ZBTB46: variants seen among roughly 807,000 people sequenced by gnomAD.
ZBTB46 encodes zinc finger and BTB domain containing 46.
In ZBTB46, 8 loss-of-function variants were observed where a neutral mutation model predicts 44.1. The observed-to-expected ratio is 0.18, with a 90% CI of 0.11 to 0.33. The LOEUF is 0.33. Ranked by LOEUF, ZBTB46 falls within the 10% of genes least tolerant of loss-of-function variation. The pLI is 1.00. For missense variants in ZBTB46, 651 were observed against 847.7 expected (o/e 0.77, Z 2.88); for synonymous variants, 409 against 382.3 (o/e 1.07, Z -0.81).
intron 1 of ZBTB46, among the ~76,000 whole-genome samples, chr20:63,830,002 A>G (rs932440299): frequency 6.6e-6 from 1 of 152,176 alleles, no homozygotes; most frequent in Non-Finnish European, 1.5e-5. Flanking sequence ...GCTGATCACA[A>G]TCTTGCCACC....
Position 63,767,073 on chromosome 20 carries a change from G to A in ZBTB46, c.1222+8605C>T, listed in dbSNP as rs1052910285. On this transcript the variant is annotated intron_variant, in intron 3 of 4. Coordinates refer to ENST00000245663, the MANE Select transcript of ZBTB46 (RefSeq NM_001369741.1). This position sits in a 1 kb window ranked among gnomAD's most constrained non-coding sequence, Gnocchi z 5.0. Reference sequence around the variant, plus strand: ...AACCTAACACGTCCGACGAGGACGGGCAAGGGCACCGCGGGGCGCTCTTTC... The same window carrying A: ...AACCTAACACGTCCGACGAGGACGGACAAGGGCACCGCGGGGCGCTCTTTC... Among the ~76,000 whole-genome samples the A allele has an allele frequency of 6.6e-6, 1 of 152,234 alleles. No individual in the cohort carries two copies. The highest frequency in any genetic ancestry group is 2.4e-5 in the African/African-American group (1 of 41,466).
intron 3 of ZBTB46, among the ~76,000 whole-genome samples, chr20:63,770,601 C>G (rs1362637570): frequency 1.3e-5 from 2 of 152,218 alleles, no homozygotes; most frequent in Non-Finnish European, 2.9e-5. Context: ...GTCGGCTGCT[C>G]TGTGCTGCTG....
At chr20:63,824,314 G>A (rs766675545) in intron 1 of ZBTB46, among the ~76,000 whole-genome samples, 5 of 152,022 alleles carry the variant, frequency 3.3e-5, no homozygotes, top group South Asian at 2.1e-4. Context: ...TACTTCTTTC[G>A]AAAATACCTA....
In ZBTB46 at chr20:63,803,180, T is replaced by C. The variant is rs1303098854; in HGVS notation, c.-33-12390A>G. ...AGGATGCCATCCAGGCAGGGACCAG[T>C]GTGGGCACCATCCCCCAGGGCGCCT... On this transcript the variant is annotated intron_variant, in intron 1 of 4. Coordinates refer to ENST00000245663, the MANE Select transcript of ZBTB46 (RefSeq NM_001369741.1). This position sits in a 1 kb window ranked among gnomAD's most constrained non-coding sequence, Gnocchi z 4.0. Among the ~76,000 whole-genome samples the C allele has an allele frequency of 6.6e-6, 1 of 151,696 alleles. No homozygotes were observed. Among genetic ancestry groups the C allele is most frequent in the Non-Finnish European group, 1.5e-5 (1 of 67,888 alleles).
chr20:63,751,055 C>T (rs181758908), intron 4 of ZBTB46, among the ~76,000 whole-genome samples: 3 of 152,342 alleles, frequency 2.0e-5, no homozygotes, highest in Admixed American at 2.0e-4. Flanking sequence ...AACGTGTTAG[C>T]ACCTATCAGT....
intron 2 of ZBTB46, among the ~76,000 whole-genome samples, chr20:63,779,624 G>A (rs1322407278): frequency 7.2e-5 from 11 of 151,884 alleles, no homozygotes; most frequent in Non-Finnish European, 1.5e-5. Context: ...GTTTCACCGT[G>A]TTAGCCAAGA....
At chr20:63,812,634 C>G (rs2092724024) in intron 1 of ZBTB46, among the ~76,000 whole-genome samples, 1 of 152,114 alleles carries the variant, frequency 6.6e-6, no homozygotes, top group African/African-American at 2.4e-5. Context: ...AAAAAATTAG[C>G]TGGGTGTGGT....
At chr20:63,783,195 T>A (rs6089776) in intron 2 of ZBTB46, among the ~76,000 whole-genome samples, 4 of 152,070 alleles carry the variant, frequency 2.6e-5, no homozygotes, top group African/African-American at 7.2e-5. Flanking sequence ...TTTGGGAGGC[T>A]GAGGTGGGTG....
At chr20:63,824,454 T>C (rs544605299) in intron 1 of ZBTB46, among the ~76,000 whole-genome samples, 3 of 152,134 alleles carry the variant, frequency 2.0e-5, no homozygotes, top group East Asian at 1.9e-4. Flanking sequence ...CTACAGACCA[T>C]GTTGTCTTGA....
chr20:63,768,672 C>T (rs1568845431), intron 3 of ZBTB46, among the ~76,000 whole-genome samples: 2 of 151,708 alleles, frequency 1.3e-5, no homozygotes, highest in Non-Finnish European at 2.9e-5. Context: ...GGGAGGTACA[C>T]ACCCCATGGC....
At chr20:63,786,511 ATTTGT>A (rs1239421346) in intron 2 of ZBTB46, among the ~76,000 whole-genome samples, 4 of 151,346 alleles carry the variant, frequency 2.6e-5, no homozygotes, top group East Asian at 1.9e-4. Context: ...AGGTTTTTTG[ATTTGT>A]TTTGTTTTGT....
At chr20:63,754,978 A>G (rs2092206593) in intron 3 of ZBTB46, among the ~76,000 whole-genome samples, 1 of 152,186 alleles carries the variant, frequency 6.6e-6, no homozygotes, top group Non-Finnish European at 1.5e-5. Flanking sequence ...TGAATTATAT[A>G]TTTTAGCCAT....
intron 1 of ZBTB46, among the ~76,000 whole-genome samples, chr20:63,807,063 T>C (rs889094469): frequency 6.6e-6 from 1 of 151,986 alleles, no homozygotes; most frequent in African/African-American, 2.4e-5. Flanking sequence ...ATTACAGGCG[T>C]GAGCCACCAC....
intron 3 of ZBTB46, among the ~76,000 whole-genome samples, chr20:63,774,014 T>C (rs1025141049): frequency 6.7e-6 from 1 of 149,574 alleles, no homozygotes; most frequent in Admixed American, 6.7e-5. Context: ...AGAAACGCTA[T>C]TTTGTTTGAA....
At chr20:63,789,751 G>C (rs935420678) in intron 2 of ZBTB46, 70 bp downstream of exon 2, 2 of 1,536,826 alleles carry the variant, frequency 1.3e-6, no homozygotes, top group Non-Finnish European at 1.7e-6. Flanking sequence ...CACTGCCTCC[G>C]CACAGCACGC....
At chr20:63,813,596 G>A (rs746879502) in intron 1 of ZBTB46, among the ~76,000 whole-genome samples, 1 of 152,144 alleles carries the variant, frequency 6.6e-6, no homozygotes, top group Non-Finnish European at 1.5e-5. Flanking sequence ...TTCTACTGAC[G>A]GCTCAGGCAG....
chr20:63,782,307 C>T (rs1299698243), intron 2 of ZBTB46, among the ~76,000 whole-genome samples: 2 of 152,010 alleles, frequency 1.3e-5, no homozygotes, highest in Non-Finnish European at 2.9e-5. Flanking sequence ...TAAACGGACC[C>T]ACCAGGGCCC....
intron 3 of ZBTB46, among the ~76,000 whole-genome samples, chr20:63,762,141 A>C (rs1239663483): frequency 6.6e-6 from 1 of 152,210 alleles, no homozygotes; most frequent in Non-Finnish European, 1.5e-5. Flanking sequence ...TGAATCCAAT[A>C]ATACAGAAAA....
intron 2 of ZBTB46, among the ~76,000 whole-genome samples, chr20:63,778,500 G>A (rs2092442959): frequency 6.6e-6 from 1 of 152,208 alleles, no homozygotes; most frequent in African/African-American, 2.4e-5. Context: ...GGGCAGAGGT[G>A]ACGTCTGCAA....
Sources: gnomAD v4.1 joint callset for allele counts (sites outside exome capture counted in the v4.1 genomes callset) on GRCh38, gnomAD v4.1.1 for gene constraint, Gnocchi (gnomAD v3.1) non-coding constraint, MANE v1.5 for transcripts, NCBI Gene and HGNC (gene_info 2026-07-23, HGNC 2026-07-21) for gene names.